The following RORA variants were observed in gnomAD, a reference collection of about 807,000 sequenced individuals.
The protein encoded by RORA is RAR related orphan receptor A, also known as nuclear receptor ROR-alpha.
RORA carries 7 observed loss-of-function variants against 69.5 expected under a neutral mutation model. The observed-to-expected ratio is 0.10, with a 90% confidence interval of 0.06 to 0.19. The LOEUF is 0.19. Ranked by LOEUF, RORA falls within the 10% of genes least tolerant of loss-of-function variation. RORA has a pLI of 1.00. For synonymous variants in RORA, 261 were observed against 240.8 expected (o/e 1.08, Z -0.78); for missense variants, 457 against 663.0 (o/e 0.69, Z 3.41).
At position 60,534,066 on chromosome 15, in the gene RORA, C is replaced by A. The variant is rs923127154; in HGVS notation, c.197-2215G>T. ...GGCATATTGAGAACAATGAGTAGAACTGCATCTGGACAAACTGAAAATGAT... is the reference window on the plus strand; with the variant it reads ...GGCATATTGAGAACAATGAGTAGAAATGCATCTGGACAAACTGAAAATGAT... On this transcript the variant is annotated intron_variant, in intron 2 of 10. Transcript: ENST00000335670. The surrounding 1 kb of genome is among the most constrained non-coding windows in gnomAD (Gnocchi z 5.0). 2.6e-5 allele frequency among the ~76,000 whole-genome samples: 4 copies of A among 152,192 alleles called. No homozygotes were observed. Among genetic ancestry groups the A allele is most frequent in the African/African-American group, 9.7e-5 (4 of 41,446 alleles).
intron 1 of RORA, among the ~76,000 whole-genome samples, chr15:60,814,648 T>A (rs1177720386): frequency 6.6e-6 from 1 of 152,168 alleles, no homozygotes; most frequent in African/African-American, 2.4e-5. Context: ...TTCAAACTCC[T>A]GCCATCAGAA....
chr15:60,653,738 G>A lies in RORA; in HGVS notation c.196+24919C>T, dbSNP rs1261993518. ...CAGAGGCTTTCTCAGCTCAGAGTCC[G>A]ACTGTGTCTGCCTCTCAAGCCCTGT... On this transcript the variant is annotated intron_variant, in intron 2 of 10. Coordinates refer to ENST00000335670, the MANE Select transcript of RORA (RefSeq NM_134261.3). Among the ~76,000 whole-genome samples the A allele has an allele frequency of 3.9e-5, 6 of 152,016 alleles. No homozygotes were observed. The East Asian group carries it at 5.8e-4, about 15-fold the overall frequency.
rs752851341 is a variant in RORA at position 60,743,173 on chromosome 15, C to A, written c.167-64487G>T. 2.0e-3 allele frequency among the ~76,000 whole-genome samples: 309 copies of A among 152,036 alleles called. 2 individuals carry two copies. The highest frequency in any genetic ancestry group is 3.4e-3 in the Middle Eastern group (1 of 294). The stretch of plus-strand genomic sequence containing the variant: ...GGGACTACAGATATGTACCACCATG[C>A]CCGGCTAATTTTTGTATTTTTAGTA... On this transcript the variant is annotated intron_variant, in intron 1 of 10. Coordinates refer to ENST00000335670, the MANE Select transcript of RORA (RefSeq NM_134261.3).
At chr15:61,063,769 A>C (rs1240497765) in intron 1 of RORA, among the ~76,000 whole-genome samples, 1 of 152,248 alleles carries the variant, frequency 6.6e-6, no homozygotes, top group Non-Finnish European at 1.5e-5. Flanking sequence ...ATTAGAAAAG[A>C]AAAAGAACAC....
chr15:61,053,357 A>G (rs942790421), intron 1 of RORA, among the ~76,000 whole-genome samples: 5 of 151,772 alleles, frequency 3.3e-5, no homozygotes, highest in African/African-American at 1.2e-4. Context: ...TCACACTGAC[A>G]AAAAGGACAA....
intron 1 of RORA, among the ~76,000 whole-genome samples, chr15:60,773,284 T>G (rs1351513948): frequency 6.6e-6 from 1 of 152,192 alleles, no homozygotes; most frequent in Non-Finnish European, 1.5e-5. Context: ...GGTGCTGGCT[T>G]TATCATTCAT....
intron 1 of RORA, among the ~76,000 whole-genome samples, chr15:61,166,138 G>C (rs377454171): frequency 2.0e-5 from 3 of 152,276 alleles, no homozygotes; most frequent in East Asian, 3.9e-4. Flanking sequence ...CAAACGTAAA[G>C]ACTGATGCCA....
chr15:60,669,132 C>A (rs1486700946), intron 2 of RORA, among the ~76,000 whole-genome samples: 8 of 152,184 alleles, frequency 5.3e-5, no homozygotes, highest in Admixed American at 1.3e-4. Context: ...GCAAGGAGAA[C>A]CATTAGCCGC....
At chr15:60,517,713 T>C (rs993788224) in intron 3 of RORA, among the ~76,000 whole-genome samples, 2 of 152,224 alleles carry the variant, frequency 1.3e-5, no homozygotes, top group Non-Finnish European at 2.9e-5. Context: ...CTCCCACCGT[T>C]CATACCCTTG....
chr15:60,804,742 C>T (rs2072636795), intron 1 of RORA, among the ~76,000 whole-genome samples: 1 of 152,210 alleles, frequency 6.6e-6, no homozygotes, highest in Non-Finnish European at 1.5e-5. Context: ...AAGAGCCACA[C>T]ACAAAAATTA....
chr15:60,787,622 A>G (rs938285476), intron 1 of RORA, among the ~76,000 whole-genome samples: 1 of 152,232 alleles, frequency 6.6e-6, no homozygotes, highest in Non-Finnish European at 1.5e-5. Context: ...CCTGTGAGAG[A>G]TACTGAAAAT....
At chr15:60,851,734 G>C (rs1419508807) in intron 1 of RORA, among the ~76,000 whole-genome samples, 1 of 151,498 alleles carries the variant, frequency 6.6e-6, no homozygotes, top group Non-Finnish European at 1.5e-5. Context: ...GAGAGAGAGT[G>C]TGTGTGTGTA....
At chr15:61,097,648 A>G (rs868563481) in intron 1 of RORA, among the ~76,000 whole-genome samples, 2 of 152,200 alleles carry the variant, frequency 1.3e-5, no homozygotes, top group Non-Finnish European at 2.9e-5. Context: ...GTACAGTACA[A>G]AGGAGGTGAC....
intron 1 of RORA, among the ~76,000 whole-genome samples, chr15:61,072,900 T>C (rs1011729000): frequency 6.6e-6 from 1 of 152,172 alleles, no homozygotes; most frequent in East Asian, 1.9e-4. Context: ...ATAATAAAAG[T>C]GTTGGAAGCA....
chr15:60,809,768 C>T (rs341420), intron 1 of RORA, among the ~76,000 whole-genome samples: 147,937 of 152,012 alleles, frequency 0.97, 72,101 homozygotes, highest in East Asian at 1. Flanking sequence ...TGAATATTCT[C>T]TCTTTTCTGT....
chr15:60,787,920 C>A (rs1406762456), intron 1 of RORA, among the ~76,000 whole-genome samples: 1 of 152,196 alleles, frequency 6.6e-6, no homozygotes, highest in Non-Finnish European at 1.5e-5. Flanking sequence ...TGCTGGGCAC[C>A]CTTGTGGCTG....
intron 2 of RORA, chr15:60,592,636 A>G (rs2068564810): frequency 1.7e-6 from 1 of 581,788 alleles, no homozygotes; most frequent in Non-Finnish European, 2.0e-6. Flanking sequence ...CCGGGGCGGG[A>G]GGCGGGAGGC....
chr15:61,019,053 T>C (rs1895409226), intron 1 of RORA, among the ~76,000 whole-genome samples: 1 of 152,230 alleles, frequency 6.6e-6, no homozygotes, highest in Non-Finnish European at 1.5e-5. Context: ...AAGGATCTTT[T>C]TTAGTTCTGC....
intron 1 of RORA, among the ~76,000 whole-genome samples, chr15:61,009,054 C>T (rs1895006484): frequency 6.6e-6 from 1 of 152,198 alleles, no homozygotes; most frequent in Admixed American, 6.5e-5. Flanking sequence ...TTGCCTACTG[C>T]TTCACAAGAC....
Sources: allele counts gnomAD v4.1 joint callset (sites outside exome capture counted in the v4.1 genomes callset), GRCh38; gene constraint gnomAD v4.1.1; non-coding constraint Gnocchi (gnomAD v3.1); transcripts MANE v1.5; gene names NCBI Gene and HGNC (gene_info 2026-07-23, HGNC 2026-07-21).